Variants in KIAA1217 observed in about 807,000 individuals in gnomAD.
KIAA1217 encodes sickle tail protein homolog.
KIAA1217 carries 88 observed loss-of-function variants against 163.9 expected under a neutral mutation model. The observed-to-expected ratio is 0.54, with a 90% CI of 0.45 to 0.64. KIAA1217 has a LOEUF of 0.64. Among genes scored for constraint, KIAA1217 ranks in the 30% least tolerant of loss-of-function variants. The pLI is 0.00. For synonymous variants in KIAA1217, 903 were observed against 923.1 expected, an observed-to-expected ratio of 0.98 and a Z score of 0.39; for missense variants, 2,372 against 2,475.0, an observed-to-expected ratio of 0.96 and a Z score of 0.88.
intron 1 of KIAA1217, among the ~76,000 whole-genome samples, chr10:23,720,737 A>G (rs1232436945): frequency 1.3e-5 from 2 of 152,218 alleles, no homozygotes; most frequent in South Asian, 2.1e-4. Context: ...GAATCCCCAT[A>G]TCATGGAACT....
chr10:23,851,315 C>T (rs1254681424), intron 1 of KIAA1217, among the ~76,000 whole-genome samples: 2 of 152,112 alleles, frequency 1.3e-5, no homozygotes, highest in Non-Finnish European at 2.9e-5. Context: ...TTTCCAATTT[C>T]ATCCATGTCC....
At chr10:23,805,996 C>CAAAA (rs71397917) in intron 1 of KIAA1217, among the ~76,000 whole-genome samples, 29 of 30,504 alleles carry the variant, frequency 9.5e-4, no homozygotes, top group African/African-American at 1.6e-3. Flanking sequence ...AACTCCATCT[C>CAAAA]AAAAAAAAAA....
intron 2 of KIAA1217, among the ~76,000 whole-genome samples, chr10:24,134,545 T>C (rs1377860074): frequency 6.6e-6 from 1 of 152,074 alleles, no homozygotes; most frequent in East Asian, 1.9e-4. Context: ...GTTTACAGTA[T>C]CCATAGTGTC....
intron 13 of KIAA1217, among the ~76,000 whole-genome samples, chr10:24,525,053 C>A (rs1019463673): frequency 7.4e-6 from 1 of 135,916 alleles, no homozygotes; most frequent in Non-Finnish European, 1.7e-5. Flanking sequence ...GTTTAACAAC[C>A]AGCTCTCTGG....
chr10:24,008,183 T>C (rs1460964321), intron 2 of KIAA1217, among the ~76,000 whole-genome samples: 2 of 152,026 alleles, frequency 1.3e-5, no homozygotes, highest in Non-Finnish European at 2.9e-5. Context: ...GATAGATAGA[T>C]AGATAGATAG....
At chr10:24,415,730 G>A (rs61378762) in intron 3 of KIAA1217, among the ~76,000 whole-genome samples, 7,054 of 152,094 alleles carry the variant, frequency 0.046, 222 homozygotes, top group South Asian at 0.11. Flanking sequence ...TAGAGAATTG[G>A]GCCCTTTTCA....
intron 2 of KIAA1217, among the ~76,000 whole-genome samples, chr10:24,377,969 A>C (rs764029187): frequency 1.2e-4 from 18 of 152,230 alleles, no homozygotes; most frequent in Non-Finnish European, 4.4e-5. Context: ...GGAAACAGAA[A>C]GTGGGAAGCC....
At chr10:23,703,506 C>T (rs1378118148) in intron 1 of KIAA1217, among the ~76,000 whole-genome samples, 1 of 152,084 alleles carries the variant, frequency 6.6e-6, no homozygotes, top group Non-Finnish European at 1.5e-5. Flanking sequence ...TGGCTCTCTG[C>T]AGGGGGAAAA....
At chr10:24,151,873 G>T (rs2064632196) in intron 2 of KIAA1217, among the ~76,000 whole-genome samples, 2 of 152,092 alleles carry the variant, frequency 1.3e-5, no homozygotes, top group South Asian at 2.1e-4. Flanking sequence ...TCACACAGCT[G>T]GTTAGTGGCA....
At chr10:23,864,262 C>T in intron 1 of KIAA1217, among the ~76,000 whole-genome samples, 1 of 151,882 alleles carries the variant, frequency 6.6e-6, no homozygotes. Flanking sequence ...CTTACCTTGA[C>T]AAATTCTCTT....
intron 1 of KIAA1217, among the ~76,000 whole-genome samples, chr10:23,853,240 T>C (rs1839450886): frequency 6.6e-6 from 1 of 152,232 alleles, no homozygotes; most frequent in African/African-American, 2.4e-5. Context: ...TTGAATTTTG[T>C]CAAAGGCCTT....
At chr10:24,419,831 G>A (rs2058587419) in intron 3 of KIAA1217, among the ~76,000 whole-genome samples, 1 of 151,986 alleles carries the variant, frequency 6.6e-6, no homozygotes, top group South Asian at 2.1e-4. Flanking sequence ...TGTTTTGTGT[G>A]TTATAAAGCT....
intron 1 of KIAA1217, among the ~76,000 whole-genome samples, chr10:23,879,479 G>A (rs985809747): frequency 6.6e-6 from 1 of 151,898 alleles, no homozygotes; most frequent in African/African-American, 2.4e-5. Context: ...TAAGGAAGAA[G>A]GGGTGATTAA....
intron 2 of KIAA1217, among the ~76,000 whole-genome samples, chr10:24,087,005 T>C (rs574776540): frequency 6.6e-6 from 1 of 152,328 alleles, no homozygotes; most frequent in African/African-American, 2.4e-5. Context: ...ATGCCCCCAT[T>C]GTCCAGTATG....
At chr10:24,050,211 T>C (rs1849399187) in intron 2 of KIAA1217, among the ~76,000 whole-genome samples, 1 of 152,230 alleles carries the variant, frequency 6.6e-6, no homozygotes, top group Non-Finnish European at 1.5e-5. Flanking sequence ...ATTAGCCCTT[T>C]GTCAGATGGA....
chr10:24,060,735 A>G (rs1319720560), intron 2 of KIAA1217, among the ~76,000 whole-genome samples: 1 of 152,148 alleles, frequency 6.6e-6, no homozygotes, highest in African/African-American at 2.4e-5. Context: ...GTTCCAGTTT[A>G]TAGTGAGCTA....
chr10:23,830,718 GTAGA>G (rs941068227), intron 1 of KIAA1217, among the ~76,000 whole-genome samples: 3 of 149,200 alleles, frequency 2.0e-5, no homozygotes, highest in Admixed American at 2.0e-4. Context: ...AGATAGATAG[GTAGA>G]TAGATAGCTA....
At chr10:23,755,115 C>G (rs1833857236) in intron 1 of KIAA1217, among the ~76,000 whole-genome samples, 1 of 152,102 alleles carries the variant, frequency 6.6e-6, no homozygotes, top group South Asian at 2.1e-4. Context: ...GCTGTGGCAC[C>G]CACGGCGGAC....
chr10:24,396,936 G>A (rs928503885), intron 3 of KIAA1217, among the ~76,000 whole-genome samples: 5 of 152,068 alleles, frequency 3.3e-5, no homozygotes, highest in Admixed American at 2.0e-4. Context: ...AGTGTGGACA[G>A]GAGCTGGGAG....
Sources: gnomAD v4.1 joint callset for allele counts (sites outside exome capture counted in the v4.1 genomes callset) on GRCh38, gnomAD v4.1.1 for gene constraint, MANE v1.5 for transcripts, NCBI Gene and HGNC (gene_info 2026-07-23, HGNC 2026-07-21) for gene names.